Variants in PHF24 observed in about 807,000 individuals in gnomAD.
The protein encoded by PHF24 is PHD finger protein 24, also known as Galpha inhibitory interacting protein.
PHF24 carries 25 observed loss-of-function variants against 42.6 expected under a neutral mutation model. That is an observed-to-expected ratio of 0.59 (90% confidence interval 0.43 to 0.82). PHF24 has a LOEUF of 0.82. Ranked by LOEUF, PHF24 falls within the 40% of genes least tolerant of loss-of-function variation. The pLI, the probability that PHF24 is intolerant of heterozygous loss-of-function variation, is 0.00. For synonymous variants in PHF24, 185 were observed against 204.8 expected, an observed-to-expected ratio of 0.90 and a Z score of 0.83; for missense variants, 470 against 538.1, an observed-to-expected ratio of 0.87 and a Z score of 1.25.
chr9:34,971,244 G>A, intron 1 of PHF24, 51 bp from the exon 2 acceptor site: 1 of 1,537,920 alleles, frequency 6.5e-7, no homozygotes, highest in Non-Finnish European at 8.8e-7. Context: ...TGATTAGCCT[G>A]ACATCCTCAG....
the PHF24 span, among the ~76,000 whole-genome samples, chr9:34,802,050 A>T: frequency 6.6e-6 from 1 of 152,214 alleles, no homozygotes; most frequent in African/African-American, 2.4e-5. Flanking sequence ...CATTCTGCAC[A>T]TGTATCCCAG....
At chr9:34,676,890 A>C in the PHF24 span, among the ~76,000 whole-genome samples, 1 of 152,182 alleles carries the variant, frequency 6.6e-6, no homozygotes, top group African/African-American at 2.4e-5. Context: ...TTTCAGGAGG[A>C]CAGCCCCAAG....
the PHF24 span, among the ~76,000 whole-genome samples, chr9:34,718,793 T>C: frequency 1.1e-4 from 16 of 152,212 alleles, no homozygotes; most frequent in African/African-American, 3.9e-4. Flanking sequence ...CAACTCAGTG[T>C]TGAACACAAG....
At chr9:34,680,766 G>A in the PHF24 span, 1 of 151,834 alleles carries the variant, frequency 6.6e-6, no homozygotes, top group African/African-American at 2.4e-5. Context: ...ATAAATGTCA[G>A]CTAAGTCCCA....
chr9:34,785,622 A>G, the PHF24 span, among the ~76,000 whole-genome samples: 4 of 152,204 alleles, frequency 2.6e-5, no homozygotes, highest in East Asian at 5.8e-4. Context: ...AGGTACAGGA[A>G]GTAATACACA....
chr9:34,756,826 T>C, the PHF24 span, among the ~76,000 whole-genome samples: 1 of 151,974 alleles, frequency 6.6e-6, no homozygotes, highest in Non-Finnish European at 1.5e-5. Flanking sequence ...TTAAGAATAT[T>C]AATTCATCCA....
At chr9:34,846,949 A>G in the PHF24 span, among the ~76,000 whole-genome samples, 1 of 152,102 alleles carries the variant, frequency 6.6e-6, no homozygotes, top group Non-Finnish European at 1.5e-5. Flanking sequence ...GTTCTGTTCC[A>G]TTGATCTATA....
At chr9:34,833,022 G>A in the PHF24 span, 16 of 1,551,432 alleles carry the variant, frequency 1.0e-5, no homozygotes, top group African/African-American at 1.4e-5. Context: ...CAGGACCCTC[G>A]GGGTGTCTTG....
chr9:34,802,600 C>CAA, the PHF24 span, among the ~76,000 whole-genome samples: 1 of 152,198 alleles, frequency 6.6e-6, no homozygotes, highest in South Asian at 2.1e-4. Context: ...TATAAATCTG[C>CAA]AACCCCTTAC....
At chr9:34,726,913 A>G in the PHF24 span, 4 of 1,551,670 alleles carry the variant, frequency 2.6e-6, no homozygotes, top group Admixed American at 7.8e-5. Flanking sequence ...CCAGAGCCAC[A>G]GAATTGCAGA....
chr9:34,943,004 A>AT, the PHF24 span, among the ~76,000 whole-genome samples: 3 of 152,054 alleles, frequency 2.0e-5, no homozygotes, highest in Non-Finnish European at 2.9e-5. Context: ...TATAATAATA[A>AT]AAAAAGAAAG....
chr9:34,888,362 A>T, the PHF24 span, among the ~76,000 whole-genome samples: 481 of 152,306 alleles, frequency 3.2e-3, 1 homozygote, highest in African/African-American at 0.011. Flanking sequence ...TGCCTGCCAC[A>T]TAGCAAGTAC....
chr9:34,935,248 C>CAGAA, the PHF24 span, among the ~76,000 whole-genome samples: 1 of 152,126 alleles, frequency 6.6e-6, no homozygotes, highest in East Asian at 1.9e-4. Context: ...AGACCCTTCT[C>CAGAA]AGTGGAAGGG....
chr9:34,915,865 G>A, the PHF24 span, among the ~76,000 whole-genome samples: 50 of 151,542 alleles, frequency 3.3e-4, no homozygotes, highest in African/African-American at 1.2e-3. Flanking sequence ...ATCCCTACAT[G>A]TCAAGGGTGG....
the PHF24 span, among the ~76,000 whole-genome samples, chr9:34,746,849 C>T: frequency 3.3e-5 from 5 of 152,096 alleles, no homozygotes; most frequent in Non-Finnish European, 7.4e-5. Flanking sequence ...GTGGGCCCAT[C>T]CTGTTGCTTT....
chr9:34,919,691 T>TACACACACAC, the PHF24 span, among the ~76,000 whole-genome samples: 9 of 148,296 alleles, frequency 6.1e-5, no homozygotes, highest in Admixed American at 2.0e-4. Context: ...ACCCAGTAAT[T>TACACACACAC]ACACACACAC....
the PHF24 span, chr9:34,690,951 G>A: frequency 2.9e-6 from 2 of 689,264 alleles, no homozygotes; most frequent in Non-Finnish European, 4.8e-6. Context: ...GACCTGCCAG[G>A]CTCACCGAAA....
At chr9:34,828,989 A>G in the PHF24 span, among the ~76,000 whole-genome samples, 32 of 131,786 alleles carry the variant, frequency 2.4e-4, no homozygotes, top group African/African-American at 7.4e-4. Context: ...CCTGAGGACT[A>G]TCAGGCTTCT....
At chr9:34,825,811 C>T in the PHF24 span, among the ~76,000 whole-genome samples, 2 of 152,134 alleles carry the variant, frequency 1.3e-5, no homozygotes, top group Non-Finnish European at 2.9e-5. Flanking sequence ...TCTGCCCTGG[C>T]CCCTCACCGT....
Sources: gnomAD v4.1 joint callset for allele counts (sites outside exome capture counted in the v4.1 genomes callset) on GRCh38, gnomAD v4.1.1 for gene constraint, MANE v1.5 for transcripts, NCBI Gene and HGNC (gene_info 2026-07-23, HGNC 2026-07-21) for gene names.